The following DAPK1 variants were observed in gnomAD, a reference collection of about 807,000 sequenced individuals.
DAPK1 encodes death associated protein kinase 1, also known as death-associated protein kinase 1.
In DAPK1, 56 loss-of-function variants were observed where a neutral mutation model predicts 144.9. That is an observed-to-expected ratio of 0.39 (90% CI 0.31 to 0.48). The LOEUF (loss-of-function observed/expected upper bound fraction) is 0.48. Ranked by LOEUF, DAPK1 falls within the 20% of genes least tolerant of loss-of-function variation. DAPK1 has a pLI of 0.95. For synonymous variants in DAPK1, 690 were observed against 749.0 expected, an observed-to-expected ratio of 0.92 and a Z score of 1.29; for missense variants, 1,454 against 1,875.4, an observed-to-expected ratio of 0.78 and a Z score of 4.15.
Position 87,595,007 on chromosome 9 carries a change from G to A in DAPK1, c.63-9947G>A, listed in dbSNP as rs117748763. 9.2e-3 allele frequency among the ~76,000 whole-genome samples: 1,395 copies of A among 152,324 alleles called. 10 individuals carry two copies. The highest frequency in any genetic ancestry group is 0.015 in the Non-Finnish European group (1,019 of 68,032). On this transcript the variant is annotated intron_variant, in intron 2 of 25. Coordinates refer to ENST00000408954, the MANE Select transcript of DAPK1 (RefSeq NM_004938.4). ...TCCAGACCATGAAGGAGCAGGCACT[G>A]TGATTGGCATCCTGCCTTAGGGAAT...
chr9:87,615,968 G>T (rs1490204620), intron 3 of DAPK1, among the ~76,000 whole-genome samples: 1 of 152,262 alleles, frequency 6.6e-6, no homozygotes, highest in Non-Finnish European at 1.5e-5. Context: ...TCTGTGGGCT[G>T]GTTGGCCAGC....
At chr9:87,504,814 C>CT (rs1350519704) in intron 2 of DAPK1, among the ~76,000 whole-genome samples, 1 of 152,138 alleles carries the variant, frequency 6.6e-6, no homozygotes, top group Non-Finnish European at 1.5e-5. Flanking sequence ...CTCTAGATTA[C>CT]TTACAATACT....
chr9:87,510,575 G>C (rs550285688), intron 2 of DAPK1, among the ~76,000 whole-genome samples: 1 of 152,332 alleles, frequency 6.6e-6, no homozygotes. Context: ...TCTTATTACA[G>C]GGGACTTATG....
chr9:87,654,806 G>A lies in DAPK1; in HGVS notation c.1824+3082G>A, dbSNP rs573003407. Among the ~76,000 whole-genome samples, 3 of 152,278 alleles carry A rather than the reference G, an allele frequency of 2.0e-5. No homozygotes were observed. The South Asian group carries it at 6.2e-4, about 32-fold the overall frequency. On this transcript the variant is annotated intron_variant, in intron 17 of 25. Transcript: ENST00000408954. ...AATCAGCTCTCCCCTTGTGAGAGGA[G>A]AGAGGAGGAGCTGAGCATCTCATGG...
chr9:87,521,823 A>G (rs1587684063), intron 2 of DAPK1, among the ~76,000 whole-genome samples: 1 of 152,282 alleles, frequency 6.6e-6, no homozygotes, highest in Middle Eastern at 3.4e-3. Flanking sequence ...CAGTGTTGAG[A>G]GGTGAGGCTT....
chr9:87,500,122 A>T (rs1016867049), intron 2 of DAPK1, among the ~76,000 whole-genome samples: 8 of 152,224 alleles, frequency 5.3e-5, no homozygotes, highest in Non-Finnish European at 1.0e-4. Flanking sequence ...AAAGGAAATT[A>T]AAAAACACCC....
Position 87,706,296 on chromosome 9 carries a change from C to T in DAPK1, c.3225C>T (p.Asp1075=), listed in dbSNP as rs1361887109. The T allele has an allele frequency of 6.2e-7, 1 of 1,611,856 alleles. No individual in the cohort carries two copies. The highest frequency in any genetic ancestry group is 1.1e-5 in the South Asian group (1 of 90,734). Residue 1075 remains aspartate (D), a synonymous_variant, in exon 26 of 26, where the codon GAC becomes GAT. Coordinates refer to ENST00000408954, the MANE Select transcript of DAPK1 (RefSeq NM_004938.4). This position sits in a 1 kb window ranked among gnomAD's most constrained non-coding sequence, Gnocchi z 9.0. The stretch of plus-strand genomic sequence containing the variant: ...AGGACATCCAGCGCCTGGTGCCCGA[C>T]AGCGACGTGGAGGAGCTGCTGCAGA... ...TVEDIQRLVP[D]SDVEELLQIL...
At chr9:87,587,357 G>A (rs1016362046) in intron 2 of DAPK1, among the ~76,000 whole-genome samples, 4 of 152,264 alleles carry the variant, frequency 2.6e-5, no homozygotes, top group Middle Eastern at 3.4e-3. Context: ...CATGCTCACC[G>A]TGTGTTTCTT....
At chr9:87,680,468 A>G (rs541755000) in intron 19 of DAPK1, among the ~76,000 whole-genome samples, 15 of 152,220 alleles carry the variant, frequency 9.9e-5, no homozygotes, top group Non-Finnish European at 2.1e-4. Flanking sequence ...GTGATGGTAG[A>G]TATTTTTAAT....
At position 87,651,671 on chromosome 9, in the gene DAPK1, C is replaced by A; in HGVS notation, c.1771C>A (p.Pro591Thr). 1.2e-6 allele frequency: 2 copies of A among 1,614,202 alleles called. No individual in the cohort carries two copies. Among genetic ancestry groups the A allele is most frequent in the South Asian group, 1.1e-5 (1 of 91,090 alleles). ...TGTGGCATGTAAAGATGGCAACATG[C>A]CTATCGTGGTGGCCCTCTGTGAAGC... Reference protein sequence around the residue: ...LHVACKDGNMPIVVALCEANC... With the variant: ...LHVACKDGNMTIVVALCEANC... The change falls in exon 17 of 26, where the codon CCT (proline) becomes ACT (threonine). Residue 591 changes from proline to threonine, a missense_variant. Pro to Thr is a conservative substitution (Grantham distance 38). Around this residue, in one of 2 missense-constraint regions of DAPK1, gnomAD observed 1,025 missense variants for 1,237.9 expected, o/e 0.83. Transcript: ENST00000408954.
intron 9 of DAPK1, among the ~76,000 whole-genome samples, chr9:87,641,722 T>C (rs6560011): frequency 0.53 from 80,397 of 151,932 alleles, 23,494 homozygotes; most frequent in African/African-American, 0.78. Flanking sequence ...TGTGGAAAGT[T>C]GTGATTTAGT....
At chr9:87,513,752 G>A (rs1158584496) in intron 2 of DAPK1, among the ~76,000 whole-genome samples, 1 of 152,192 alleles carries the variant, frequency 6.6e-6, no homozygotes, top group East Asian at 1.9e-4. Context: ...TACTGTCACT[G>A]TCTTGGAAGG....
In DAPK1 at chr9:87,639,342, C is replaced by G; in HGVS notation, c.424-12C>G. ...ATCATAGCTTTTTATTTATCTCTCTCTTTTTTTCAAGCCTGAGAACATAAT... is the reference window on the plus strand; with the variant it reads ...ATCATAGCTTTTTATTTATCTCTCTGTTTTTTTCAAGCCTGAGAACATAAT... On this transcript the variant is annotated splice_polypyrimidine_tract_variant and intron_variant, in intron 4 of 25. Coordinates refer to ENST00000408954, the MANE Select transcript of DAPK1 (RefSeq NM_004938.4). 2 of 1,584,530 alleles carry G rather than the reference C, an allele frequency of 1.3e-6. No individual in the cohort carries two copies. The highest frequency in any genetic ancestry group is 1.7e-6 in the Non-Finnish European group (2 of 1,170,576).
At chr9:87,668,202 C>T (rs780723966) in intron 18 of DAPK1, among the ~76,000 whole-genome samples, 19 of 152,204 alleles carry the variant, frequency 1.2e-4, no homozygotes, top group Non-Finnish European at 2.6e-4. Context: ...GATTATAACA[C>T]AGTAGCTTGC....
At chr9:87,694,641 G>A (rs1010105826) in intron 21 of DAPK1, among the ~76,000 whole-genome samples, 1 of 152,154 alleles carries the variant, frequency 6.6e-6, no homozygotes, top group African/African-American at 2.4e-5. Context: ...TCTGTCCTTG[G>A]GGCAGATGAA....
chr9:87,706,950 G>T lies in DAPK1; in HGVS notation c.3879G>T (p.Gln1293His). ...TCGGGTGTCACGACGTCTACTCACA[G>T]GCCAGCCTCGGCATGGACATCCATG... ...MCFGCHDVYSQASLGMDIHAS... is the reference protein window; with the variant it reads ...MCFGCHDVYSHASLGMDIHAS... The change falls in exon 26 of 26, where the codon CAG (glutamine) becomes CAT (histidine). Residue 1293 changes from glutamine (Q) to histidine (H), a missense_variant. By Grantham distance (24) the Gln-to-His change is conservative. Coordinates refer to ENST00000408954, the MANE Select transcript of DAPK1 (RefSeq NM_004938.4). The surrounding 1 kb of genome is among the most constrained non-coding windows in gnomAD (Gnocchi z 9.0). The T allele has an allele frequency of 6.2e-7, 1 of 1,613,340 alleles. No homozygotes were observed. Among genetic ancestry groups the T allele is most frequent in the Non-Finnish European group, 8.5e-7 (1 of 1,179,718 alleles).
At chr9:87,560,669 T>A (rs74411557) in intron 2 of DAPK1, among the ~76,000 whole-genome samples, 1 of 18,746 alleles carries the variant, frequency 5.3e-5, no homozygotes, top group Non-Finnish European at 1.0e-4. Flanking sequence ...AGAACGTACT[T>A]TTTTTTTTTT....
chr9:87,636,294 G>C (rs1309713097), intron 3 of DAPK1, among the ~76,000 whole-genome samples: 2 of 152,190 alleles, frequency 1.3e-5, no homozygotes, highest in Non-Finnish European at 2.9e-5. Context: ...GGATAGGGGA[G>C]GCCTGTGGAC....
intron 24 of DAPK1, among the ~76,000 whole-genome samples, chr9:87,702,097 C>G (rs1373669305): frequency 6.6e-6 from 1 of 152,144 alleles, no homozygotes; most frequent in African/African-American, 2.4e-5. Flanking sequence ...CAGACACCCC[C>G]CGCCCAACCC....
Sources: gnomAD v4.1 joint callset for allele counts (sites outside exome capture counted in the v4.1 genomes callset) on GRCh38, gnomAD v4.1.1 for gene constraint, gnomAD v4.1.1 regional missense constraint, Gnocchi (gnomAD v3.1) non-coding constraint, MANE v1.5 for transcripts, NCBI Gene and HGNC (gene_info 2026-07-23, HGNC 2026-07-21) for gene names.